The following NRCAM variants were observed in gnomAD, a reference collection of about 807,000 sequenced individuals.
NRCAM encodes NgCAM-related cell adhesion molecule.
In NRCAM, 83 loss-of-function variants were observed where a neutral mutation model predicts 156.5. The observed-to-expected ratio is 0.53, with a 90% CI of 0.44 to 0.64. NRCAM has a LOEUF of 0.64. Among genes scored for constraint, NRCAM ranks in the 30% least tolerant of loss-of-function variants. The probability of loss-of-function intolerance (pLI) is 0.00; values close to 1 mark genes in which losing one functional copy is unlikely to be tolerated. For missense variants in NRCAM, 1,417 were observed against 1,597.3 expected, an observed-to-expected ratio of 0.89 and a Z score of 1.92; for synonymous variants, 538 against 563.9, an observed-to-expected ratio of 0.95 and a Z score of 0.65.
At chr7:108,256,028 G>C (rs1270245374) in intron 3 of NRCAM, among the ~76,000 whole-genome samples, 3 of 150,958 alleles carry the variant, frequency 2.0e-5, no homozygotes, top group Non-Finnish European at 4.4e-5. Flanking sequence ...CGCCCGGCCA[G>C]CCACCCCGTC....
intron 2 of NRCAM, among the ~76,000 whole-genome samples, chr7:108,370,039 A>C (rs1401396352): frequency 1.3e-5 from 2 of 152,292 alleles, no homozygotes; most frequent in Non-Finnish European, 2.9e-5. Flanking sequence ...ATATTCGGTA[A>C]TAGAATCATT....
chr7:108,408,981 C>T (rs557695448), intron 1 of NRCAM, among the ~76,000 whole-genome samples: 20 of 152,200 alleles, frequency 1.3e-4, no homozygotes, highest in African/African-American at 4.6e-4. Context: ...GTGAATGGAG[C>T]CCTTAAGCTG....
At chr7:108,216,045 G>T (rs2088489358) in intron 11 of NRCAM, among the ~76,000 whole-genome samples, 1 of 152,138 alleles carries the variant, frequency 6.6e-6, no homozygotes, top group African/African-American at 2.4e-5. Context: ...GCAGTGGCTG[G>T]TTCTGGTTTT....
At chr7:108,172,318 G>A (rs1172798172) in intron 28 of NRCAM, among the ~76,000 whole-genome samples, 3 of 151,776 alleles carry the variant, frequency 2.0e-5, no homozygotes, top group Non-Finnish European at 2.9e-5. Flanking sequence ...TCGTTCTGTC[G>A]CCCAGGCTGG....
At chr7:108,181,304 G>A (rs107588) in intron 24 of NRCAM, among the ~76,000 whole-genome samples, 102,180 of 151,900 alleles carry the variant, frequency 0.67, 36,668 homozygotes, top group East Asian at 0.96. Context: ...TAAAAAATAT[G>A]AAATCAGTGC....
At chr7:108,333,849 T>C (rs771644741) in intron 2 of NRCAM, among the ~76,000 whole-genome samples, 7 of 152,188 alleles carry the variant, frequency 4.6e-5, no homozygotes, top group African/African-American at 7.2e-5. Context: ...ATCTTTCTTT[T>C]CTTAGACAAC....
intron 2 of NRCAM, among the ~76,000 whole-genome samples, chr7:108,322,304 T>C (rs1055482855): frequency 7.2e-5 from 11 of 152,202 alleles, no homozygotes; most frequent in African/African-American, 2.7e-4. Flanking sequence ...GACAGGCTCA[T>C]TGAACTGAAT....
intron 2 of NRCAM, among the ~76,000 whole-genome samples, chr7:108,362,568 T>C (rs1239212438): frequency 6.6e-6 from 1 of 152,166 alleles, no homozygotes; most frequent in Non-Finnish European, 1.5e-5. Context: ...GGACTAACAA[T>C]TCAGAAACTC....
At chr7:108,254,350 A>G (rs76647201) in intron 3 of NRCAM, among the ~76,000 whole-genome samples, 2,771 of 152,304 alleles carry the variant, frequency 0.018, 81 homozygotes, top group African/African-American at 0.064. Context: ...TAACAAGCAC[A>G]TGAAAAGATG....
intron 32 of NRCAM, chr7:108,156,301 G>C (rs757084306): frequency 4.2e-5 from 41 of 985,082 alleles, no homozygotes; most frequent in African/African-American, 8.7e-5. Flanking sequence ...TAAGTTATGA[G>C]TTCAAGTAAC....
At chr7:108,305,827 G>T (rs186110332) in intron 3 of NRCAM, among the ~76,000 whole-genome samples, 1 of 152,040 alleles carries the variant, frequency 6.6e-6, no homozygotes, top group African/African-American at 2.4e-5. Flanking sequence ...TAAATAGATC[G>T]TATAATTAAA....
At chr7:108,229,669 T>C (rs2094030588) in intron 8 of NRCAM, among the ~76,000 whole-genome samples, 1 of 152,160 alleles carries the variant, frequency 6.6e-6, no homozygotes, top group Admixed American at 6.6e-5. Context: ...TTGCTGATCA[T>C]AGCCTGGAAT....
chr7:108,331,708 G>C (rs760736109), intron 2 of NRCAM, among the ~76,000 whole-genome samples: 1 of 152,192 alleles, frequency 6.6e-6, no homozygotes, highest in Non-Finnish European at 1.5e-5. Flanking sequence ...AAGATGTGTA[G>C]ATGATTCTTT....
chr7:108,388,244 C>T (rs916106804), intron 2 of NRCAM, among the ~76,000 whole-genome samples: 10 of 152,074 alleles, frequency 6.6e-5, no homozygotes, highest in Admixed American at 2.6e-4. Flanking sequence ...TTTTAATGAT[C>T]TCCATTCTAA....
intron 2 of NRCAM, among the ~76,000 whole-genome samples, chr7:108,340,214 G>C (rs541076549): frequency 6.6e-6 from 1 of 152,228 alleles, no homozygotes; most frequent in Non-Finnish European, 1.5e-5. Flanking sequence ...GATAGACAAA[G>C]GGGTAAATAA....
At chr7:108,427,133 C>T (rs911967310) in intron 1 of NRCAM, among the ~76,000 whole-genome samples, 1 of 152,168 alleles carries the variant, frequency 6.6e-6, no homozygotes, top group South Asian at 2.1e-4. Flanking sequence ...AATCCTAGGG[C>T]ACCTGAAGGC....
At chr7:108,343,893 CTTG>C (rs1418316735) in intron 2 of NRCAM, among the ~76,000 whole-genome samples, 3 of 151,826 alleles carry the variant, frequency 2.0e-5, no homozygotes, top group South Asian at 2.1e-4. Context: ...CTTTAACCTC[CTTG>C]TTAAGTTTGT....
intron 12 of NRCAM, among the ~76,000 whole-genome samples, chr7:108,208,522 C>T (rs2082350865): frequency 6.6e-6 from 1 of 152,138 alleles, no homozygotes; most frequent in Non-Finnish European, 1.5e-5. Context: ...ACTACACATT[C>T]TGTTAGGATT....
At chr7:108,328,207 C>T (rs1192892331) in intron 2 of NRCAM, among the ~76,000 whole-genome samples, 1 of 152,146 alleles carries the variant, frequency 6.6e-6, no homozygotes, top group Non-Finnish European at 1.5e-5. Context: ...GAAACAAACT[C>T]CACTAACCAA....
Sources: gnomAD v4.1 joint callset for allele counts (sites outside exome capture counted in the v4.1 genomes callset) on GRCh38, gnomAD v4.1.1 for gene constraint, MANE v1.5 for transcripts, NCBI Gene and HGNC (gene_info 2026-07-23, HGNC 2026-07-21) for gene names.